Variants in EXOC6B observed in about 807,000 individuals in gnomAD.
The protein encoded by EXOC6B is exocyst complex component 6B, also known as SEC15 homolog B.
In EXOC6B, 54 loss-of-function variants were observed where a neutral mutation model predicts 113.5. That is an observed-to-expected ratio of 0.48 (90% CI 0.38 to 0.60). The LOEUF (loss-of-function observed/expected upper bound fraction) is 0.60, where lower values mean the gene tolerates loss of function less well. Among genes scored for constraint, EXOC6B ranks in the 20% least tolerant of loss-of-function variants. The pLI, the probability that EXOC6B is intolerant of heterozygous loss-of-function variation, is 0.00. For synonymous variants in EXOC6B, 357 were observed against 339.0 expected, an observed-to-expected ratio of 1.05 and a Z score of -0.58; for missense variants, 797 against 977.5, an observed-to-expected ratio of 0.82 and a Z score of 2.46.
At chr2:72,290,884 GATGAA>G in intron 20 of EXOC6B, among the ~76,000 whole-genome samples, 1 of 152,072 alleles carries the variant, frequency 6.6e-6, no homozygotes, top group East Asian at 1.9e-4. Flanking sequence ...TATGGGAAAA[GATGAA>G]ATGTATTTAA....
At chr2:72,391,522 T>TA (rs1420396379) in intron 18 of EXOC6B, among the ~76,000 whole-genome samples, 1 of 152,202 alleles carries the variant, frequency 6.6e-6, no homozygotes, top group African/African-American at 2.4e-5. Context: ...TAGTTTTCTT[T>TA]AAGTTTATCC....
At chr2:72,232,014 A>C (rs1681654042) in intron 20 of EXOC6B, among the ~76,000 whole-genome samples, 1 of 152,092 alleles carries the variant, frequency 6.6e-6, no homozygotes, top group South Asian at 2.1e-4. Context: ...TGGCTCTGTC[A>C]CCCAGGTTGG....
At chr2:72,636,534 C>T (rs1047549028) in intron 6 of EXOC6B, among the ~76,000 whole-genome samples, 15 of 151,284 alleles carry the variant, frequency 9.9e-5, no homozygotes, top group East Asian at 2.0e-4. Context: ...GAAGAGGCAG[C>T]GGCGGCAGCA....
chr2:72,218,041 C>T (rs1009574848), intron 20 of EXOC6B, among the ~76,000 whole-genome samples: 10 of 152,266 alleles, frequency 6.6e-5, no homozygotes, highest in East Asian at 5.8e-4. Context: ...GTAACTTGTT[C>T]CAGATCACTG....
intron 1 of EXOC6B, among the ~76,000 whole-genome samples, chr2:72,768,288 CTT>C (rs200442752): frequency 2.2e-3 from 234 of 105,338 alleles, no homozygotes; most frequent in Admixed American, 3.3e-3. Flanking sequence ...AGAATGCAAG[CTT>C]TTTTTTTTTT....
chr2:72,678,141 CT>C (rs1396668646), intron 6 of EXOC6B, among the ~76,000 whole-genome samples: 3 of 152,234 alleles, frequency 2.0e-5, no homozygotes, highest in African/African-American at 7.2e-5. Flanking sequence ...ACTAGGTCAA[CT>C]GCAGGAATCT....
chr2:72,536,445 C>A (rs1219804373), intron 8 of EXOC6B, among the ~76,000 whole-genome samples: 2 of 152,112 alleles, frequency 1.3e-5, no homozygotes, highest in East Asian at 3.8e-4. Context: ...CTATATGTTG[C>A]ATATTGCATT....
chr2:72,609,700 A>T (rs904640680), intron 6 of EXOC6B, among the ~76,000 whole-genome samples: 2 of 152,034 alleles, frequency 1.3e-5, no homozygotes, highest in East Asian at 3.9e-4. Flanking sequence ...ATTTGAGGAG[A>T]TACTGGCCAA....
intron 18 of EXOC6B, among the ~76,000 whole-genome samples, chr2:72,384,304 A>C (rs1047252270): frequency 6.6e-6 from 1 of 151,996 alleles, no homozygotes; most frequent in African/African-American, 2.4e-5. Context: ...ATTTGAAAAA[A>C]CTCAGCCTCC....
chr2:72,632,497 G>A (rs1049248948), intron 6 of EXOC6B, among the ~76,000 whole-genome samples: 9 of 152,058 alleles, frequency 5.9e-5, no homozygotes, highest in African/African-American at 2.2e-4. Context: ...TGGTTATATA[G>A]TTGGTATTTT....
intron 18 of EXOC6B, among the ~76,000 whole-genome samples, chr2:72,401,646 C>CAT (rs72155589): frequency 0.025 from 522 of 20,654 alleles, 15 homozygotes; most frequent in Middle Eastern, 0.071. Flanking sequence ...TACATATATA[C>CAT]ATATATATAT....
intron 6 of EXOC6B, among the ~76,000 whole-genome samples, chr2:72,599,163 T>C (rs1670243378): frequency 6.6e-6 from 1 of 152,022 alleles, no homozygotes; most frequent in Non-Finnish European, 1.5e-5. Context: ...CTCAACAAAA[T>C]ATAGTAATGC....
chr2:72,246,240 G>C (rs6751276), intron 20 of EXOC6B, among the ~76,000 whole-genome samples: 69,661 of 151,876 alleles, frequency 0.46, 20,961 homozygotes, highest in African/African-American at 0.86. Context: ...CTAACAAAAG[G>C]TGTCCCCAAC....
intron 20 of EXOC6B, among the ~76,000 whole-genome samples, chr2:72,214,827 A>T (rs769348029): frequency 6.6e-6 from 1 of 152,228 alleles, no homozygotes; most frequent in Non-Finnish European, 1.5e-5. Context: ...CAAAAGGTTG[A>T]TGCTATGTTT....
chr2:72,644,073 A>G (rs981922576), intron 6 of EXOC6B, among the ~76,000 whole-genome samples: 1 of 152,156 alleles, frequency 6.6e-6, no homozygotes, highest in African/African-American at 2.4e-5. Flanking sequence ...AATGGCTAAC[A>G]AGAATAAACA....
intron 20 of EXOC6B, among the ~76,000 whole-genome samples, chr2:72,221,278 T>G (rs941468866): frequency 6.6e-6 from 1 of 152,184 alleles, no homozygotes; most frequent in African/African-American, 2.4e-5. Flanking sequence ...TTTCTACTTG[T>G]GAAAAATAAG....
chr2:72,320,806 A>G (rs1057101317), intron 20 of EXOC6B, among the ~76,000 whole-genome samples: 2 of 152,230 alleles, frequency 1.3e-5, no homozygotes, highest in African/African-American at 2.4e-5. Context: ...TGACCAGAAC[A>G]TATAAAAAAC....
intron 6 of EXOC6B, among the ~76,000 whole-genome samples, chr2:72,619,119 C>T (rs201857018): frequency 2.6e-5 from 4 of 152,002 alleles, no homozygotes; most frequent in Admixed American, 6.6e-5. Context: ...GGAAATGTTA[C>T]AGCCATTCTC....
intron 18 of EXOC6B, among the ~76,000 whole-genome samples, chr2:72,423,811 T>C (rs939736497): frequency 6.6e-6 from 1 of 152,144 alleles, no homozygotes; most frequent in African/African-American, 2.4e-5. Context: ...TAAGAAACTG[T>C]TTATCCGTTT....
Sources: gnomAD v4.1 joint callset for allele counts (sites outside exome capture counted in the v4.1 genomes callset) on GRCh38, gnomAD v4.1.1 for gene constraint, MANE v1.5 for transcripts, NCBI Gene and HGNC (gene_info 2026-07-23, HGNC 2026-07-21) for gene names.